KCNAB1: variants seen among roughly 807,000 people sequenced by gnomAD.
The protein encoded by KCNAB1 is voltage-gated potassium channel subunit beta-1.
In KCNAB1, 35 loss-of-function variants were observed where a neutral mutation model predicts 64.6. The ratio of observed to expected loss-of-function variants is 0.54; its 90% CI spans 0.41 to 0.72. KCNAB1 has a LOEUF of 0.72. KCNAB1 is among the 30% of genes least tolerant of loss of function. KCNAB1 has a pLI of 0.00. For missense variants in KCNAB1, 401 were observed against 512.9 expected, an observed-to-expected ratio of 0.78 and a Z score of 2.11; for synonymous variants, 177 against 183.8, an observed-to-expected ratio of 0.96 and a Z score of 0.30.
At chr3:156,202,989 AT>A (rs1714436594) in intron 1 of KCNAB1, among the ~76,000 whole-genome samples, 1 of 152,020 alleles carries the variant, frequency 6.6e-6, no homozygotes, top group East Asian at 1.9e-4. Flanking sequence ...TAGTGAGATA[AT>A]TTTTTAAAGT....
At position 156,312,482 on chromosome 3, in the gene KCNAB1, C is replaced by T. The variant is rs764605077; in HGVS notation, c.276-109134C>T. 2.9e-4 allele frequency among the ~76,000 whole-genome samples: 44 copies of T among 151,988 alleles called. 1 individual carries two copies. The highest frequency in any genetic ancestry group is 7.5e-4 in the African/African-American group (31 of 41,374). On this transcript the variant is annotated intron_variant, in intron 1 of 13. Transcript: ENST00000490337. ...ATACCAGCACTTCGGGAGGCCGAGGCGGGTGGATCACTTGAGACCAGGAGT... is the reference window on the plus strand; with the variant it reads ...ATACCAGCACTTCGGGAGGCCGAGGTGGGTGGATCACTTGAGACCAGGAGT...
chr3:156,485,096 C>T (rs1715104719), intron 8 of KCNAB1, among the ~76,000 whole-genome samples: 1 of 152,040 alleles, frequency 6.6e-6, no homozygotes, highest in African/African-American at 2.4e-5. Flanking sequence ...CATATGTTTA[C>T]ACTTTTAGGA....
rs549052970 is a variant in KCNAB1, at chr3:156,463,212, C to T, written c.483-490C>T. 2.0e-5 allele frequency among the ~76,000 whole-genome samples: 3 copies of T among 152,262 alleles called. No homozygotes were observed. The South Asian group carries it at 6.2e-4, about 32-fold the overall frequency. The stretch of plus-strand genomic sequence containing the variant: ...ACTTGGAGCCACAAGGATCCATGTT[C>T]CTTGGCAGAGTGGAGTCCTCCTGGG... On this transcript the variant is annotated intron_variant, in intron 5 of 13. Coordinates refer to ENST00000490337, the MANE Select transcript of KCNAB1 (RefSeq NM_172160.3).
chr3:156,165,147 G>A (rs1209330941), intron 1 of KCNAB1, among the ~76,000 whole-genome samples: 1 of 150,528 alleles, frequency 6.6e-6, no homozygotes, highest in Non-Finnish European at 1.5e-5. Flanking sequence ...GCGTAGTGGC[G>A]GGCGCCTGTA....
intron 5 of KCNAB1, among the ~76,000 whole-genome samples, chr3:156,461,141 T>C (rs1712878323): frequency 6.6e-6 from 1 of 152,222 alleles, no homozygotes; most frequent in African/African-American, 2.4e-5. Flanking sequence ...GGTTTACCCA[T>C]CACTGCCTAA....
chr3:156,320,739 C>T (rs549203763), intron 1 of KCNAB1, among the ~76,000 whole-genome samples: 1 of 152,250 alleles, frequency 6.6e-6, no homozygotes, highest in African/African-American at 2.4e-5. Flanking sequence ...AAGGCCTGTC[C>T]AGTGGGCTTT....
intron 13 of KCNAB1, among the ~76,000 whole-genome samples, chr3:156,532,581 T>C (rs571268293): frequency 1.2e-3 from 184 of 152,304 alleles, no homozygotes; most frequent in African/African-American, 4.2e-3. Flanking sequence ...TGATTTAAAA[T>C]CTTTTTTAAA....
rs1553761406 is a variant in KCNAB1 at position 156,537,805 on chromosome 3, A to G, written c.*1058A>G. On this transcript the variant is annotated 3_prime_UTR_variant, in exon 14 of 14. Transcript: ENST00000490337. ...AATTAGCACTGGGATTTTATAATAT[A>G]ATGTTTGGTATTTTTGAGGCATTGT... is the stretch of plus-strand genomic sequence containing the variant. 6.6e-6 allele frequency: 1 copy of G among 152,604 alleles called. No homozygotes were observed. The highest frequency in any genetic ancestry group is 1.5e-5 in the Non-Finnish European group (1 of 68,026). The allele number at this position is 152,604 out of a possible 1,614,324, so 9.5% of individuals were successfully genotyped here.
intron 1 of KCNAB1, among the ~76,000 whole-genome samples, chr3:156,200,509 A>T (rs1238072447): frequency 1.3e-5 from 2 of 152,162 alleles, no homozygotes; most frequent in Non-Finnish European, 2.9e-5. Context: ...TCTTTCAGAG[A>T]TGGCCTTCCC....
At chr3:156,364,804 C>A (rs368396412) in intron 1 of KCNAB1, among the ~76,000 whole-genome samples, 580 of 151,400 alleles carry the variant, frequency 3.8e-3, no homozygotes, top group Non-Finnish European at 5.1e-3. Flanking sequence ...AACAAACAAA[C>A]AAAAAAAACA....
chr3:156,292,080 A>G (rs774757221), intron 1 of KCNAB1: 11 of 1,614,108 alleles, frequency 6.8e-6, no homozygotes, highest in South Asian at 4.4e-5. Flanking sequence ...CCTCAGCATC[A>G]CATTTCTCTC....
intron 2 of KCNAB1, among the ~76,000 whole-genome samples, chr3:156,440,260 A>C (rs1026591530): frequency 6.6e-6 from 1 of 152,214 alleles, no homozygotes; most frequent in Non-Finnish European, 1.5e-5. Context: ...ATATTTTTTG[A>C]TGTCTCTAGT....
At chr3:156,463,445 A>G (rs1713089274) in intron 5 of KCNAB1, among the ~76,000 whole-genome samples, 1 of 152,060 alleles carries the variant, frequency 6.6e-6, no homozygotes, top group Non-Finnish European at 1.5e-5. Context: ...CTGACTTGTT[A>G]TCACTGCCCT....
intron 1 of KCNAB1, chr3:156,143,229 T>G: frequency 6.2e-7 from 1 of 1,613,752 alleles, no homozygotes; most frequent in South Asian, 1.1e-5. Context: ...CCAAGCTGGG[T>G]CTGCCAAAAT....
At chr3:156,242,903 T>A (rs549300286) in intron 1 of KCNAB1, among the ~76,000 whole-genome samples, 116 of 151,758 alleles carry the variant, frequency 7.6e-4, no homozygotes, top group East Asian at 1.4e-3. Context: ...ATTATTTATT[T>A]TTTATTTTAT....
intron 7 of KCNAB1, among the ~76,000 whole-genome samples, chr3:156,467,560 T>G (rs940325306): frequency 6.6e-6 from 1 of 152,132 alleles, no homozygotes; most frequent in African/African-American, 2.4e-5. Flanking sequence ...CACATCTTCT[T>G]CACCTTTTCT....
At chr3:156,444,188 A>T (rs1038989719) in intron 2 of KCNAB1, among the ~76,000 whole-genome samples, 2 of 152,180 alleles carry the variant, frequency 1.3e-5, no homozygotes, top group African/African-American at 4.8e-5. Flanking sequence ...GAAAAAGAAC[A>T]CGTCCAAGCA....
At chr3:156,275,069 A>T (rs1400210261) in intron 1 of KCNAB1, among the ~76,000 whole-genome samples, 1 of 152,108 alleles carries the variant, frequency 6.6e-6, no homozygotes, top group African/African-American at 2.4e-5. Context: ...CTCTGCTTCT[A>T]TGAGTTTTAC....
At chr3:156,188,630 C>G (rs1253520882) in intron 1 of KCNAB1, among the ~76,000 whole-genome samples, 2 of 152,186 alleles carry the variant, frequency 1.3e-5, no homozygotes, top group African/African-American at 2.4e-5. Flanking sequence ...TATGCTTCTA[C>G]TAATTTCAAT....
Sources: allele counts gnomAD v4.1 joint callset (sites outside exome capture counted in the v4.1 genomes callset), GRCh38; gene constraint gnomAD v4.1.1; transcripts MANE v1.5; gene names NCBI Gene and HGNC (gene_info 2026-07-23, HGNC 2026-07-21).